NALCN: variants seen among roughly 807,000 people sequenced by gnomAD.
NALCN encodes sodium leak channel, non-selective, also known as sodium leak channel NALCN.
Under a neutral mutation model 225.3 loss-of-function variants are expected in NALCN, and 111 were observed. The observed-to-expected ratio is 0.49, with a 90% CI of 0.42 to 0.58. NALCN has a LOEUF of 0.58. Ranked by LOEUF, NALCN falls within the 20% of genes least tolerant of loss-of-function variation. NALCN has a pLI of 0.00. For missense variants in NALCN, 1,378 were observed against 2,202.4 expected (o/e 0.63, Z 7.49); for synonymous variants, 764 against 769.0 (o/e 0.99, Z 0.11).
chr13:101,285,474 A>T (rs1594603683), intron 9 of NALCN, among the ~76,000 whole-genome samples: 1 of 146,690 alleles, frequency 6.8e-6, no homozygotes, highest in Admixed American at 6.8e-5. Context: ...TAATTTTTGT[A>T]TTTTTTTTTT....
At chr13:101,178,645 C>A (rs191129219) in intron 14 of NALCN, among the ~76,000 whole-genome samples, 1 of 152,082 alleles carries the variant, frequency 6.6e-6, no homozygotes, top group Non-Finnish European at 1.5e-5. Context: ...CTACTTGTCA[C>A]GGAAATATGA....
intron 18 of NALCN, among the ~76,000 whole-genome samples, chr13:101,111,624 C>T (rs1356724578): frequency 1.3e-5 from 2 of 152,108 alleles, no homozygotes; most frequent in Non-Finnish European, 2.9e-5. Context: ...GGGAGGGACC[C>T]GGTGGGAGGT....
intron 10 of NALCN, 146 bp from the exon 11 acceptor site, chr13:101,258,720 C>G: frequency 9.0e-7 from 1 of 1,106,030 alleles, no homozygotes; most frequent in Non-Finnish European, 1.3e-6. Flanking sequence ...ATGTCCCACA[C>G]TGCTGAACTG....
intron 7 of NALCN, among the ~76,000 whole-genome samples, chr13:101,331,677 G>C (rs9585672): frequency 0.13 from 19,622 of 151,992 alleles, 2,225 homozygotes; most frequent in African/African-American, 0.31. Context: ...GCAAAACAAA[G>C]AACAAACACA....
intron 40 of NALCN, 54 bp from the exon 41 acceptor site, chr13:101,062,172 C>A: frequency 1.3e-6 from 2 of 1,585,288 alleles, no homozygotes; most frequent in Non-Finnish European, 1.7e-6. Context: ...GAGATTTACA[C>A]CCTTAGATAC....
chr13:101,304,461 TTTTGTTATTTTTTGAGACAGGG>T (rs2044083881), intron 7 of NALCN, among the ~76,000 whole-genome samples: 1 of 151,234 alleles, frequency 6.6e-6, no homozygotes, highest in East Asian at 2.0e-4. Flanking sequence ...CTGGTGTGTA[TTTTGTTATTTTTTGAGACAGGG>T]TTTGGCTCTG....
intron 13 of NALCN, among the ~76,000 whole-genome samples, chr13:101,217,286 A>G (rs889344594): frequency 1.6e-4 from 25 of 152,214 alleles, no homozygotes; most frequent in African/African-American, 5.8e-4. Flanking sequence ...GGACCTGTAC[A>G]GGCTGTTCCA....
chr13:101,054,227 A>AAAAC lies in NALCN; in HGVS notation c.*1064_*1067dup, dbSNP rs1214545200. The AAAAC allele has an allele frequency of 6.6e-6, 1 of 152,240 alleles. No individual in the cohort carries two copies. Among genetic ancestry groups the AAAAC allele is most frequent in the Non-Finnish European group, 1.5e-5 (1 of 68,044 alleles). The allele number at this position is 152,240 out of a possible 1,614,324, so 9.4% of individuals were successfully genotyped here. ...CATTGACATATAAGGAAAAAAAACAAAAACAAAAAACGATTAAGTAAGTTG... is the reference window on the plus strand; with the variant it reads ...CATTGACATATAAGGAAAAAAAACAAAAACAAACAAAAAACGATTAAGTAAGTTG... On this transcript the variant is annotated 3_prime_UTR_variant, in exon 44 of 44. Coordinates refer to ENST00000251127, the MANE Select transcript of NALCN (RefSeq NM_052867.4).
chr13:101,310,517 C>A (rs1020346446), intron 7 of NALCN, among the ~76,000 whole-genome samples: 1 of 152,124 alleles, frequency 6.6e-6, no homozygotes, highest in South Asian at 2.1e-4. Context: ...ACCTTCATGG[C>A]CACCTTATCT....
At chr13:101,306,108 C>G (rs2044144673) in intron 7 of NALCN, among the ~76,000 whole-genome samples, 1 of 152,130 alleles carries the variant, frequency 6.6e-6, no homozygotes, top group South Asian at 2.1e-4. Flanking sequence ...CAGGAGGGGA[C>G]TATCCAGATT....
chr13:101,080,751 T>G (rs761724619), intron 34 of NALCN, among the ~76,000 whole-genome samples: 4 of 127,054 alleles, frequency 3.1e-5, no homozygotes, highest in Non-Finnish European at 6.7e-5. Flanking sequence ...TATTACATAA[T>G]TAAATAATTA....
intron 14 of NALCN, among the ~76,000 whole-genome samples, chr13:101,179,646 A>G (rs901235504): frequency 5.9e-5 from 9 of 152,174 alleles, no homozygotes; most frequent in Non-Finnish European, 1.2e-4. Context: ...GAGGCTGTAC[A>G]GGGGGTTTGG....
At chr13:101,348,765 T>C (rs1188181183) in intron 6 of NALCN, among the ~76,000 whole-genome samples, 3 of 152,174 alleles carry the variant, frequency 2.0e-5, no homozygotes, top group Non-Finnish European at 4.4e-5. Context: ...TGAAACATTT[T>C]TACCAACATC....
At chr13:101,265,530 A>G (rs2042568611) in intron 10 of NALCN, among the ~76,000 whole-genome samples, 1 of 152,208 alleles carries the variant, frequency 6.6e-6, no homozygotes, top group South Asian at 2.1e-4. Context: ...AGTCTAAGCC[A>G]AACACGGGGA....
intron 7 of NALCN, among the ~76,000 whole-genome samples, chr13:101,310,421 G>C (rs1447893555): frequency 6.6e-6 from 1 of 151,990 alleles, no homozygotes; most frequent in Non-Finnish European, 1.5e-5. Flanking sequence ...GCCTTTGCAA[G>C]GGCTGTTCCC....
At chr13:101,362,027 T>C (rs984696722) in intron 6 of NALCN, among the ~76,000 whole-genome samples, 3 of 151,946 alleles carry the variant, frequency 2.0e-5, no homozygotes, top group Non-Finnish European at 2.9e-5. Context: ...TATTATCATA[T>C]GAAAGGCTGG....
intron 39 of NALCN, among the ~76,000 whole-genome samples, 200 bp downstream of exon 39, chr13:101,067,718 T>C (rs548607485): frequency 6.6e-6 from 1 of 152,316 alleles, no homozygotes; most frequent in African/African-American, 2.4e-5. Context: ...AGGATGTTCA[T>C]GGTTGAAGAT....
In NALCN at chr13:101,168,516, C is replaced by T. The variant is rs2038562255; in HGVS notation, c.1839+7784G>A. On this transcript the variant is annotated intron_variant, in intron 15 of 43. Transcript: ENST00000251127. ...GAAATCTGGGTGACATCCCTGTGTC[C>T]TGGTTTTTCTCACTTCCTACATCCA... 2.0e-5 allele frequency among the ~76,000 whole-genome samples: 3 copies of T among 152,148 alleles called. No homozygotes were observed. The South Asian group carries it at 6.2e-4, about 32-fold the overall frequency.
At chr13:101,080,175 A>T (rs536848033) in intron 34 of NALCN, among the ~76,000 whole-genome samples, 1 of 152,314 alleles carries the variant, frequency 6.6e-6, no homozygotes, top group South Asian at 2.1e-4. Context: ...GGATCATTGA[A>T]GGCAAATAAA....
Sources: allele counts gnomAD v4.1 joint callset (sites outside exome capture counted in the v4.1 genomes callset), GRCh38; gene constraint gnomAD v4.1.1; transcripts MANE v1.5; gene names NCBI Gene and HGNC (gene_info 2026-07-23, HGNC 2026-07-21).